The following PDE4D variants were observed in gnomAD, a reference collection of about 807,000 sequenced individuals.
PDE4D encodes phosphodiesterase 4D, also known as 3',5'-cyclic-AMP phosphodiesterase 4D.
A neutral mutation model predicts 87.4 loss-of-function variants in PDE4D; 24 were observed. That is an observed-to-expected ratio of 0.27 (90% confidence interval 0.20 to 0.39). PDE4D has a LOEUF of 0.39. Ranked by LOEUF, PDE4D falls within the 10% of genes least tolerant of loss-of-function variation. PDE4D has a pLI of 1.00. For missense variants in PDE4D, 714 were observed against 1,041.0 expected (o/e 0.69, Z 4.32); for synonymous variants, 384 against 383.2 (o/e 1.00, Z -0.02).
intron 1 of PDE4D, among the ~76,000 whole-genome samples, chr5:59,595,209 C>T (rs1290743881): frequency 1.3e-5 from 2 of 152,062 alleles, no homozygotes; most frequent in Admixed American, 6.6e-5. Flanking sequence ...GTAATTTTAT[C>T]AAGAATGTTT....
chr5:59,138,889 T>C (rs1398341754), intron 5 of PDE4D, among the ~76,000 whole-genome samples: 1 of 152,120 alleles, frequency 6.6e-6, no homozygotes, highest in African/African-American at 2.4e-5. Context: ...CATTGTAGGA[T>C]GAAAGAGGTG....
At position 58,975,876 on chromosome 5, in the gene PDE4D, T is replaced by TC; in HGVS notation, c.1831-38dup. On this transcript the variant is annotated intron_variant, in intron 13 of 14. Transcript: ENST00000340635. This position sits in a 1 kb window ranked among gnomAD's most constrained non-coding sequence, Gnocchi z 4.2. Reference sequence around the variant, plus strand: ...GGATGCATTCTCTATTCACTCCTGTTCCTTTTTTTTAAAAAAAAAAACAAA... The same window carrying TC: ...GGATGCATTCTCTATTCACTCCTGTTCCCTTTTTTTTAAAAAAAAAAACAAA... The TC allele has an allele frequency of 7.8e-7, 1 of 1,282,972 alleles. No homozygotes were observed. The highest frequency in any genetic ancestry group is 2.0e-4 in the Middle Eastern group (1 of 5,012). The allele number at this position is 1,282,972 out of a possible 1,614,324, so 79.5% of individuals were successfully genotyped here.
At chr5:59,765,404 T>C (rs1762661024) in intron 1 of PDE4D, among the ~76,000 whole-genome samples, 1 of 152,198 alleles carries the variant, frequency 6.6e-6, no homozygotes. Context: ...AATTCAACCA[T>C]GGCATAGAGG....
intron 1 of PDE4D, chr5:59,430,332 C>T (rs1276309015): frequency 9.7e-6 from 12 of 1,231,174 alleles, no homozygotes; most frequent in East Asian, 9.5e-5. Flanking sequence ...GCATGTTGAT[C>T]GCGTATGGTG....
At chr5:59,508,839 G>A (rs1406074051) in intron 1 of PDE4D, among the ~76,000 whole-genome samples, 1 of 151,956 alleles carries the variant, frequency 6.6e-6, no homozygotes, top group Non-Finnish European at 1.5e-5. Flanking sequence ...CTCTACTGAA[G>A]GTTGAATTAG....
Position 59,038,141 on chromosome 5 carries a change from C to A in PDE4D, c.921+718G>T, listed in dbSNP as rs952460080. On this transcript the variant is annotated intron_variant, in intron 6 of 14. Coordinates refer to ENST00000340635, the MANE Select transcript of PDE4D (RefSeq NM_001104631.2). ...GCAAAACTGAAAACACTATACCTTG[C>A]CTTCCGTGCTATTTTAAGGCTGTCC... 3.2e-4 allele frequency among the ~76,000 whole-genome samples: 49 copies of A among 152,182 alleles called. 1 individual carries two copies. The highest frequency in any genetic ancestry group is 2.9e-4 in the Non-Finnish European group (20 of 68,034).
intron 1 of PDE4D, among the ~76,000 whole-genome samples, chr5:59,620,540 A>T (rs966421363): frequency 6.6e-6 from 1 of 152,130 alleles, no homozygotes; most frequent in African/African-American, 2.4e-5. Flanking sequence ...CATGGAGGTG[A>T]ATTGCCAAGG....
At chr5:59,257,625 G>A (rs2153533380) in intron 1 of PDE4D, among the ~76,000 whole-genome samples, 1 of 152,062 alleles carries the variant, frequency 6.6e-6, no homozygotes, top group South Asian at 2.1e-4. Context: ...AGAGGCATTA[G>A]AACACTGAAA....
intron 2 of PDE4D, among the ~76,000 whole-genome samples, chr5:59,214,219 T>A (rs749035471): frequency 6.6e-6 from 1 of 152,144 alleles, no homozygotes; most frequent in Non-Finnish European, 1.5e-5. Context: ...GACTTCGCTA[T>A]GCAATCATTC....
intron 1 of PDE4D, among the ~76,000 whole-genome samples, chr5:59,695,016 AC>A (rs947437171): frequency 6.6e-6 from 1 of 151,902 alleles, no homozygotes; most frequent in African/African-American, 2.4e-5. Context: ...TAAAGTCGGG[AC>A]CCCCCAGGAA....
intron 2 of PDE4D, among the ~76,000 whole-genome samples, chr5:59,204,579 CT>C (rs377028828): frequency 1.3e-3 from 201 of 152,268 alleles, no homozygotes; most frequent in African/African-American, 4.7e-3. Context: ...AATAGAGAGA[CT>C]TTTCTAGGAC....
intron 1 of PDE4D, among the ~76,000 whole-genome samples, chr5:59,864,840 G>C (rs1172140160): frequency 1.3e-5 from 2 of 152,158 alleles, no homozygotes; most frequent in Admixed American, 6.5e-5. Flanking sequence ...GAGAGGAGTT[G>C]CTGCTAGAGG....
chr5:59,094,890 A>C (rs917047660), intron 5 of PDE4D, among the ~76,000 whole-genome samples: 1 of 152,092 alleles, frequency 6.6e-6, no homozygotes, highest in Non-Finnish European at 1.5e-5. Context: ...TCTTCTTGTC[A>C]TTCTTCTGAG....
At chr5:59,317,343 T>C (rs1336385187) in intron 1 of PDE4D, among the ~76,000 whole-genome samples, 1 of 152,118 alleles carries the variant, frequency 6.6e-6, no homozygotes, top group Non-Finnish European at 1.5e-5. Context: ...CTTCACTCAG[T>C]GGGAGGGAGG....
intron 1 of PDE4D, among the ~76,000 whole-genome samples, chr5:59,608,157 A>T (rs1277803425): frequency 6.6e-6 from 1 of 152,098 alleles, no homozygotes. Flanking sequence ...TTTCTCCTTT[A>T]ACACGTTTCA....
In PDE4D at chr5:59,396,947, A is replaced by G. The variant is rs1358912033; in HGVS notation, c.456-180979T>C. Reference sequence around the variant, plus strand: ...GGGTTGCAATCCTGGTCTCTGATAAAACAGACTTTAAACCAACAAAGATCA... The same window carrying G: ...GGGTTGCAATCCTGGTCTCTGATAAGACAGACTTTAAACCAACAAAGATCA... On this transcript the variant is annotated intron_variant, in intron 1 of 14. Transcript: ENST00000340635. Among the ~76,000 whole-genome samples, 2 of 117,260 alleles carry G rather than the reference A, an allele frequency of 1.7e-5. 1 individual carries two copies. Among genetic ancestry groups the G allele is most frequent in the Non-Finnish European group, 3.6e-5 (2 of 55,740 alleles). The allele number at this position is 117,260 out of a possible 152,430, so 76.9% of individuals were successfully genotyped here.
At chr5:59,261,155 G>T (rs1317817022) in intron 1 of PDE4D, among the ~76,000 whole-genome samples, 1 of 151,798 alleles carries the variant, frequency 6.6e-6, no homozygotes, top group Non-Finnish European at 1.5e-5. Flanking sequence ...CTTGCATGGT[G>T]CCCTTTTATG....
At chr5:60,429,103 A>G (rs1379115032) in intron 1 of PDE4D, among the ~76,000 whole-genome samples, 2 of 152,216 alleles carry the variant, frequency 1.3e-5, no homozygotes, top group African/African-American at 2.4e-5. Flanking sequence ...TTCTCTAGCT[A>G]TAAGATTTCA....
At chr5:60,259,115 T>C (rs1347658723) in intron 1 of PDE4D, among the ~76,000 whole-genome samples, 1 of 152,092 alleles carries the variant, frequency 6.6e-6, no homozygotes, top group Admixed American at 6.6e-5. Context: ...TATAGTCATC[T>C]TTTTATTTTT....
Sources: allele counts gnomAD v4.1 joint callset (sites outside exome capture counted in the v4.1 genomes callset), GRCh38; gene constraint gnomAD v4.1.1; non-coding constraint Gnocchi (gnomAD v3.1); transcripts MANE v1.5; gene names NCBI Gene and HGNC (gene_info 2026-07-23, HGNC 2026-07-21).